Variants in DOCK6 observed in about 807,000 individuals in gnomAD.
DOCK6 encodes the protein dedicator of cytokinesis protein 6.
DOCK6 carries 167 observed loss-of-function variants against 230.3 expected under a neutral mutation model. That is an observed-to-expected ratio of 0.73 (90% CI 0.64 to 0.82). The LOEUF (loss-of-function observed/expected upper bound fraction) is 0.82, where lower values mean the gene tolerates loss of function less well. DOCK6 is among the 40% of genes least tolerant of loss of function. DOCK6 has a pLI of 0.00. For synonymous variants in DOCK6, 1,148 were observed against 1,185.0 expected (o/e 0.97, Z 0.64); for missense variants, 2,598 against 2,825.8 (o/e 0.92, Z 1.83).
chr19:11,215,747 A>C (rs1385658127), intron 31 of DOCK6, 54 bp downstream of exon 31: 1 of 1,609,766 alleles, frequency 6.2e-7, no homozygotes, highest in African/African-American at 1.3e-5. Context: ...TCCCCTTGAC[A>C]CAAGGTGGGA....
rs949229216 is a variant in DOCK6 at position 11,215,994 on chromosome 19, C to T, written c.3895-67G>A. 2.1e-5 allele frequency: 34 copies of T among 1,591,762 alleles called. No homozygotes were observed. In the South Asian group the frequency reaches 2.7e-4, roughly 13 times the overall value. On this transcript the variant is annotated intron_variant, in intron 30 of 47. Coordinates refer to ENST00000294618, the MANE Select transcript of DOCK6 (RefSeq NM_020812.4). Reference sequence around the variant, plus strand: ...TTTTCGGGGGGACCTGGGCTGGCCCCATCCCTTTCTTTGTGCTCTTTCTCA... The same window carrying T: ...TTTTCGGGGGGACCTGGGCTGGCCCTATCCCTTTCTTTGTGCTCTTTCTCA...
At chr19:11,223,474 G>A (rs960708354) in intron 24 of DOCK6, among the ~76,000 whole-genome samples, 3 of 152,144 alleles carry the variant, frequency 2.0e-5, no homozygotes, top group African/African-American at 7.2e-5. Context: ...GCAGAAGCAG[G>A]TGGGTGCCGG....
chr19:11,261,510 G>A (rs2080287939), intron 1 of DOCK6, among the ~76,000 whole-genome samples: 1 of 152,146 alleles, frequency 6.6e-6, no homozygotes, highest in Non-Finnish European at 1.5e-5. Context: ...CTTTCACCTG[G>A]GGGCAGTCAG....
chr19:11,249,943 A>G (rs1423413408), intron 6 of DOCK6, among the ~76,000 whole-genome samples: 1 of 150,028 alleles, frequency 6.7e-6, no homozygotes, highest in Non-Finnish European at 1.5e-5. Flanking sequence ...CACAGGGGAT[A>G]GAGTAGGTGC....
intron 14 of DOCK6, chr19:11,239,884 C>G: frequency 1.3e-6 from 2 of 1,595,422 alleles, no homozygotes; most frequent in Non-Finnish European, 1.7e-6. Flanking sequence ...GGAGGTCAGC[C>G]GGGGCCGGGA....
chr19:11,242,248 C>T (rs1404567672), intron 13 of DOCK6, 41 bp from the exon 14 acceptor site: 5 of 1,407,222 alleles, frequency 3.6e-6, no homozygotes, highest in Non-Finnish European at 4.6e-6. Context: ...CTGGGAGCCT[C>T]CTGGCTCAGC....
At position 11,252,529 on chromosome 19, in the gene DOCK6, C is replaced by T; in HGVS notation, c.330G>A (p.Arg110=). 1 of 1,613,888 alleles carries T rather than the reference C, an allele frequency of 6.2e-7. No homozygotes were observed. Among genetic ancestry groups the T allele is most frequent in the South Asian group, 1.1e-5 (1 of 91,084 alleles). ...CCTCAATATACATCTCCACCGCGGC[C>T]CTCACCTGGGCATCCAGTTTTCTGC... ...PKDEKLDAQV[R]AAVEMYIEDW... The change falls in exon 4 of 48, where the codon AGG becomes AGA. Residue 110 remains arginine, a synonymous_variant. Coordinates refer to ENST00000294618, the MANE Select transcript of DOCK6 (RefSeq NM_020812.4).
rs1373933542 is a variant in DOCK6 at position 11,213,290 on chromosome 19, A to G, written c.4377T>C (p.Cys1459=). ...ELLFEEDTEL[C]ADLCLRLLRH... is the part of the protein sequence containing the mutation. ...GTAGGAGCCTCAGGCACAGGTCGGC[A>G]CACAGCTCCGTGTCCTCCTCGAACA... The change falls in exon 35 of 48, where the codon TGT becomes TGC. Residue 1459 remains cysteine, a synonymous_variant. Coordinates refer to ENST00000294618, the MANE Select transcript of DOCK6 (RefSeq NM_020812.4). The G allele has an allele frequency of 1.2e-6, 2 of 1,612,714 alleles. No homozygotes were observed. The highest frequency in any genetic ancestry group is 1.7e-5 in the Admixed American group (1 of 60,004).
chr19:11,253,088 G>GTA, intron 2 of DOCK6, 130 bp from the exon 3 acceptor site: 1 of 906,158 alleles, frequency 1.1e-6, no homozygotes, highest in Non-Finnish European at 1.6e-6. Flanking sequence ...GGGTGTTGGA[G>GTA]TTACGGAGGA....
chr19:11,228,594 C>G (rs1234525174), intron 23 of DOCK6, among the ~76,000 whole-genome samples: 1 of 138,846 alleles, frequency 7.2e-6, no homozygotes, highest in Non-Finnish European at 1.5e-5. Context: ...GAGTCTCGCT[C>G]TGTCGCCCAG....
intron 14 of DOCK6, among the ~76,000 whole-genome samples, chr19:11,239,441 G>A (rs1314720774): frequency 6.6e-6 from 1 of 152,182 alleles, no homozygotes; most frequent in Admixed American, 6.5e-5. Context: ...CCCACACCTG[G>A]CCCTGAGCCC....
At chr19:11,248,178 G>T in intron 6 of DOCK6, 27 bp from the exon 7 acceptor site, 1 of 1,428,990 alleles carries the variant, frequency 7.0e-7, no homozygotes, top group South Asian at 1.2e-5. Context: ...GTGGGAGCTG[G>T]GCGGGAGGAG....
intron 24 of DOCK6, among the ~76,000 whole-genome samples, chr19:11,225,681 G>A (rs1015702439): frequency 9.9e-5 from 15 of 151,864 alleles, no homozygotes; most frequent in African/African-American, 3.4e-4. Flanking sequence ...AACAGAGCAA[G>A]ACCGTGTCTC....
At chr19:11,213,091 C>G (rs2079419215) in intron 35 of DOCK6, 85 bp downstream of exon 35, 3 of 1,510,506 alleles carry the variant, frequency 2.0e-6, no homozygotes, top group African/African-American at 1.4e-5. Context: ...CTGTCTCCCC[C>G]TCCCTCACTC....
rs751496810 is a variant in DOCK6, at chr19:11,245,601, C to G, written c.985G>C (p.Val329Leu). Residue 329 changes from valine (V) to leucine (L), a missense_variant, in exon 9 of 48, where the codon GTG (valine) becomes CTG (leucine). Transcript: ENST00000294618. ...AAGATGTCAGGTGAGGGGTAGGTCA[C>G]AGAGAAGATGGCAGAGCGGGCCAGG... ...STLARSAIFS[V>L]TYPSPDIFLV... 3.0e-5 allele frequency: 48 copies of G among 1,574,598 alleles called. No homozygotes were observed. The highest frequency in any genetic ancestry group is 4.0e-5 in the Non-Finnish European group (46 of 1,160,192).
In DOCK6 at chr19:11,222,868, G is replaced by A. The variant is rs765397481; in HGVS notation, c.3107C>T (p.Ala1036Val). 2 of 1,606,582 alleles carry A rather than the reference G, an allele frequency of 1.2e-6. No homozygotes were observed. The highest frequency in any genetic ancestry group is 1.3e-5 in the African/African-American group (1 of 74,934). Reference sequence around the variant, plus strand: ...GAATTCCATGCGCAGGGTCAGCAGGGCTGCTGGATTAGGGGACGACTGGAG... The same window carrying A: ...GAATTCCATGCGCAGGGTCAGCAGGACTGCTGGATTAGGGGACGACTGGAG... ...TRLQSSPNPA[A>V]LLTLRMEFTR... is the part of the protein sequence containing the mutation. Residue 1036 changes from alanine (A) to valine (V), a missense_variant, in exon 26 of 48, where the codon GCC (alanine) becomes GTC (valine). Physicochemically the swap from Ala to Val is moderately conservative, Grantham distance 64 (BLOSUM62 0). Transcript: ENST00000294618. The surrounding 1 kb of genome is among the most constrained non-coding windows in gnomAD (Gnocchi z 4.0).
In DOCK6 at chr19:11,202,050, G is replaced by A. The variant is rs776328092; in HGVS notation, c.5527C>T (p.Arg1843Cys). 9.3e-6 allele frequency: 15 copies of A among 1,613,904 alleles called. No individual in the cohort carries two copies. The highest frequency in any genetic ancestry group is 4.4e-5 in the South Asian group (4 of 91,090). Residue 1843 changes from arginine (R) to cysteine (C), a missense_variant, in exon 44 of 48, where the codon CGC (arginine) becomes TGC (cysteine). Arg to Cys is a radical substitution (Grantham distance 180). Transcript: ENST00000294618. This position sits in a 1 kb window ranked among gnomAD's most constrained non-coding sequence, Gnocchi z 5.3. ...ELKDRVTYFD[R>C]NYGLRTFLFC... ...AGGAATGTGCGAAGCCCATAGTTGC[G>A]GTCAAAGTAGGTCACCCGGTCCTTG...
Position 11,212,050 on chromosome 19 carries a change from G to T in DOCK6, c.4593C>A (p.Thr1531=), listed in dbSNP as rs536918590. Reference sequence around the variant, plus strand: ...TGTCCTCCTCAGCATAGGTGAGGATGGTTTTGAGTGAACGTCGCAGGTGCT... The same window carrying T: ...TGTCCTCCTCAGCATAGGTGAGGATTGTTTTGAGTGAACGTCGCAGGTGCT... ...SEEHLRRSLK[T]ILTYAEEDMG... is the part of the protein sequence containing the mutation. Residue 1531 remains threonine (T), a synonymous_variant, in exon 36 of 48, where the codon ACC becomes ACA. Transcript: ENST00000294618. 1.5e-4 allele frequency: 240 copies of T among 1,610,858 alleles called. 3 individuals are homozygous for T. In the South Asian group the frequency reaches 2.6e-3, roughly 17 times the overall value.
At chr19:11,237,366 G>T in intron 18 of DOCK6, 90 bp downstream of exon 18, 1 of 1,457,106 alleles carries the variant, frequency 6.9e-7, no homozygotes, top group Non-Finnish European at 9.6e-7. Flanking sequence ...AGGATAACAA[G>T]CCTCCCAGGA....
Sources: gnomAD v4.1 joint callset for allele counts (sites outside exome capture counted in the v4.1 genomes callset) on GRCh38, gnomAD v4.1.1 for gene constraint, Gnocchi (gnomAD v3.1) non-coding constraint, MANE v1.5 for transcripts, NCBI Gene and HGNC (gene_info 2026-07-23, HGNC 2026-07-21) for gene names.